The following ZSWIM6 variants were observed in gnomAD, a reference collection of about 807,000 sequenced individuals.
The protein encoded by ZSWIM6 is zinc finger SWIM-type containing 6.
A neutral mutation model predicts 113.2 loss-of-function variants in ZSWIM6; 9 were observed. That is an observed-to-expected ratio of 0.08 (90% CI 0.05 to 0.14). The LOEUF (loss-of-function observed/expected upper bound fraction) is 0.14. Ranked by LOEUF, ZSWIM6 falls within the 10% of genes least tolerant of loss-of-function variation. The pLI, the probability that ZSWIM6 is intolerant of heterozygous loss-of-function variation, is 1.00. For missense variants in ZSWIM6, 1,162 were observed against 1,552.2 expected, an observed-to-expected ratio of 0.75 and a Z score of 4.22; for synonymous variants, 611 against 606.5, an observed-to-expected ratio of 1.01 and a Z score of -0.11.
intron 4 of ZSWIM6, among the ~76,000 whole-genome samples, chr5:61,497,083 T>C (rs1580041037): frequency 6.6e-6 from 1 of 150,408 alleles, no homozygotes; most frequent in Non-Finnish European, 1.5e-5. Flanking sequence ...TGGGTCCATT[T>C]CTGGCAGTGA....
chr5:61,484,028 A>T (rs1405463773), intron 2 of ZSWIM6, among the ~76,000 whole-genome samples: 1 of 152,020 alleles, frequency 6.6e-6, no homozygotes. Context: ...ATTAGCATGA[A>T]AAAAAATAAG....
intron 1 of ZSWIM6, among the ~76,000 whole-genome samples, chr5:61,356,150 G>C (rs1026688224): frequency 2.0e-5 from 3 of 152,172 alleles, no homozygotes; most frequent in Non-Finnish European, 2.9e-5. Flanking sequence ...GTCCAAGCTG[G>C]AGTGCAGTGT....
At chr5:61,442,652 C>A in intron 1 of ZSWIM6, among the ~76,000 whole-genome samples, 1 of 152,206 alleles carries the variant, frequency 6.6e-6, no homozygotes, top group East Asian at 1.9e-4. Flanking sequence ...TTGCTGGAAC[C>A]TATCACAAGG....
rs34072520 is a variant in ZSWIM6 at position 61,355,431 on chromosome 5, A to AACAC, written c.676+22546_676+22549dup. Among the ~76,000 whole-genome samples, 428 of 127,648 alleles carry AACAC rather than the reference A, an allele frequency of 3.4e-3. 3 individuals carry two copies. The highest frequency in any genetic ancestry group is 6.0e-3 in the African/African-American group (202 of 33,616). 83.7% of individuals were successfully genotyped at this position (127,648 alleles called of 152,430 possible). ...GTGCGAATCTCTTGAGAGACTTTAAAACACACACACACACACACACACACA... is the reference window on the plus strand; with the variant it reads ...GTGCGAATCTCTTGAGAGACTTTAAAACACACACACACACACACACACACACACA... On this transcript the variant is annotated intron_variant, in intron 1 of 13. Transcript: ENST00000252744.
intron 4 of ZSWIM6, among the ~76,000 whole-genome samples, chr5:61,500,779 T>C (rs1335875968): frequency 6.6e-6 from 1 of 152,212 alleles, no homozygotes; most frequent in Non-Finnish European, 1.5e-5. Context: ...GGGGTACTAC[T>C]GTAGGATAGA....
At chr5:61,405,302 T>C (rs1161547902) in intron 1 of ZSWIM6, among the ~76,000 whole-genome samples, 1 of 152,228 alleles carries the variant, frequency 6.6e-6, no homozygotes, top group Non-Finnish European at 1.5e-5. Flanking sequence ...TGGAATGTCT[T>C]AAGTAGATTT....
intron 3 of ZSWIM6, 103 bp from the exon 4 acceptor site, chr5:61,494,156 AG>A: frequency 8.1e-7 from 1 of 1,241,420 alleles, no homozygotes; most frequent in Non-Finnish European, 1.1e-6. Context: ...GGAGAGAGAG[AG>A]AGAGAAACAG....
chr5:61,332,276 G>C lies in ZSWIM6; in HGVS notation c.4G>C (p.Ala2Pro). Residue 2 changes from alanine to proline, a missense_variant, in exon 1 of 14, where the codon GCG becomes CCG. Physicochemically the swap from Ala to Pro is conservative, Grantham distance 27. This residue lies in a region of ZSWIM6 where 333 missense variants were observed against 293.4 expected (regional missense o/e 1.13). Coordinates refer to ENST00000252744, the MANE Select transcript of ZSWIM6 (RefSeq NM_020928.2). ...TCGGGTTAGAAGCGGCGCGGTCATG[G>C]CGGAGCGCGGACAGCAGCCTCCTCC... Reference protein sequence around the residue: MAERGQQPPPAK... With the variant: MPERGQQPPPAK... The C allele has an allele frequency of 8.6e-7, 1 of 1,166,428 alleles. No individual in the cohort carries two copies. Among genetic ancestry groups the C allele is most frequent in the Non-Finnish European group, 1.1e-6 (1 of 944,186 alleles). 72.3% of individuals were successfully genotyped at this position (1,166,428 alleles called of 1,614,324 possible).
chr5:61,508,821 G>C (rs1306926818), intron 4 of ZSWIM6, among the ~76,000 whole-genome samples: 2 of 152,128 alleles, frequency 1.3e-5, no homozygotes, highest in African/African-American at 2.4e-5. Flanking sequence ...TGGCTATCCT[G>C]AGTCGGCCTT....
intron 2 of ZSWIM6, among the ~76,000 whole-genome samples, chr5:61,482,716 A>ACT: frequency 6.6e-6 from 1 of 152,270 alleles, no homozygotes; most frequent in South Asian, 2.1e-4. Context: ...GTATCACATG[A>ACT]GCAGATTTCT....
Position 61,505,985 on chromosome 5 carries a change from A to T in ZSWIM6, c.1333+11575A>T, listed in dbSNP as rs1748608500. 2.0e-5 allele frequency among the ~76,000 whole-genome samples: 3 copies of T among 151,520 alleles called. No homozygotes were observed. In the South Asian group the frequency reaches 6.3e-4, roughly 32 times the overall value. On this transcript the variant is annotated intron_variant, in intron 4 of 13. Transcript: ENST00000252744. ...ATGGTCTCGATCTCCTGACCTCATG[A>T]TCCACCCACCTCGACCTCCCAAAGT...
At chr5:61,412,337 A>G (rs1471340889) in intron 1 of ZSWIM6, among the ~76,000 whole-genome samples, 1 of 152,220 alleles carries the variant, frequency 6.6e-6, no homozygotes, top group Non-Finnish European at 1.5e-5. Flanking sequence ...GGAGAGAAGC[A>G]GCATCCTAGG....
intron 1 of ZSWIM6, among the ~76,000 whole-genome samples, chr5:61,356,741 A>ATATATATATTATATATAATATATATAT (rs1561205431): frequency 2.8e-5 from 3 of 108,306 alleles, no homozygotes; most frequent in Admixed American, 9.8e-5. Context: ...AATATATATT[A>ATATATATATTATATATAATATATATAT]TATATATATA....
intron 1 of ZSWIM6, among the ~76,000 whole-genome samples, chr5:61,398,281 G>C (rs1489788952): frequency 1.3e-5 from 2 of 152,144 alleles, no homozygotes; most frequent in Non-Finnish European, 2.9e-5. Flanking sequence ...TCTTATAGGA[G>C]GGTGAACCTT....
chr5:61,541,837 TGACTCAGGATAA>T (rs1347806996), intron 12 of ZSWIM6, 35 bp from the exon 13 acceptor site: 2 of 1,485,748 alleles, frequency 1.3e-6, no homozygotes, highest in Admixed American at 2.0e-5. Flanking sequence ...TTTTTTTCAT[TGACTCAGGATAA>T]TTTTCTAAAA....
At chr5:61,446,270 A>C (rs1746952356) in intron 1 of ZSWIM6, among the ~76,000 whole-genome samples, 1 of 152,106 alleles carries the variant, frequency 6.6e-6, no homozygotes, top group Non-Finnish European at 1.5e-5. Context: ...TGATCCACCT[A>C]CTTCAGCCTC....
At chr5:61,433,840 A>G (rs990378353) in intron 1 of ZSWIM6, among the ~76,000 whole-genome samples, 5 of 151,838 alleles carry the variant, frequency 3.3e-5, no homozygotes, top group Non-Finnish European at 5.9e-5. Flanking sequence ...CAAATTTTCA[A>G]TATTGATAGA....
At chr5:61,444,573 C>T (rs1204891544) in intron 1 of ZSWIM6, among the ~76,000 whole-genome samples, 1 of 152,138 alleles carries the variant, frequency 6.6e-6, no homozygotes, top group Admixed American at 6.6e-5. Context: ...GTAAGACTTT[C>T]ATAAACCTTT....
intron 1 of ZSWIM6, among the ~76,000 whole-genome samples, chr5:61,366,571 A>G (rs140637714): frequency 6.6e-6 from 1 of 152,366 alleles, no homozygotes; most frequent in African/African-American, 2.4e-5. Context: ...ATTGTTTTAG[A>G]AAGTTTAGCC....
Sources: allele counts gnomAD v4.1 joint callset (sites outside exome capture counted in the v4.1 genomes callset), GRCh38; gene constraint gnomAD v4.1.1; regional missense constraint gnomAD v4.1.1; transcripts MANE v1.5; gene names NCBI Gene and HGNC (gene_info 2026-07-23, HGNC 2026-07-21).